Variants in RPS24 observed in about 807,000 individuals in gnomAD.
The protein encoded by RPS24 is small ribosomal subunit protein eS24.
For synonymous variants in RPS24, 72 were observed against 55.6 expected, an observed-to-expected ratio of 1.30 and a Z score of -1.31; for missense variants, 100 against 162.5, an observed-to-expected ratio of 0.62 and a Z score of 2.09.
downstream of RPS24, among the ~76,000 whole-genome samples, chr10:78,043,257 C>A (rs1374360355): frequency 6.6e-6 from 1 of 152,166 alleles, no homozygotes; most frequent in African/African-American, 2.4e-5. Flanking sequence ...CCTGCCTTGG[C>A]CTCCCAAAGT....
chr10:78,039,238 G>A (rs1255932910), intron 4 of RPS24: 1 of 152,212 alleles, frequency 6.6e-6, no homozygotes, highest in African/African-American at 2.4e-5. Context: ...GTTGCAAAAA[G>A]AATTAGTCAA....
chr10:78,050,989 G>A (rs1411676565), intron 4 of RPS24, among the ~76,000 whole-genome samples: 2 of 151,772 alleles, frequency 1.3e-5, no homozygotes, highest in South Asian at 2.1e-4. Context: ...TCAGGCGTTC[G>A]AGACCAGCAT....
downstream of RPS24, among the ~76,000 whole-genome samples, chr10:78,045,619 C>T (rs59213464): frequency 0.18 from 27,956 of 151,824 alleles, 5,792 homozygotes; most frequent in African/African-American, 0.5. Flanking sequence ...GTAGCTGGAA[C>T]TACAGGCGCC....
intron 4 of RPS24, chr10:78,037,880 A>G: frequency 1.0e-6 from 1 of 980,990 alleles, no homozygotes; most frequent in Non-Finnish European, 1.4e-6. Flanking sequence ...TTAAATTAAC[A>G]AATAATCAAG....
intron 5 of RPS24, 164 bp from the exon 6 acceptor site, chr10:78,040,451 A>T (rs1309802262): frequency 1.4e-6 from 1 of 731,320 alleles, no homozygotes; most frequent in Non-Finnish European, 2.4e-6. Context: ...ATGTTTGTAA[A>T]TTTTATTTCT....
chr10:78,055,064 C>T, exon 5 of RPS24: 9 of 1,454,272 alleles, frequency 6.2e-6, no homozygotes, highest in Non-Finnish European at 8.2e-6. Context: ...ATCTCTCCAC[C>T]TTCTTCTCCA....
downstream of RPS24, among the ~76,000 whole-genome samples, chr10:78,043,757 T>C (rs1283034083): frequency 6.6e-6 from 1 of 152,204 alleles, no homozygotes; most frequent in Non-Finnish European, 1.5e-5. Flanking sequence ...AGAAGATCAG[T>C]GCAGGGAGGC....
intron 4 of RPS24, among the ~76,000 whole-genome samples, chr10:78,046,470 T>A (rs1021110911): frequency 6.6e-6 from 1 of 151,062 alleles, no homozygotes; most frequent in African/African-American, 2.4e-5. Flanking sequence ...GTGATTCTCC[T>A]GCCTCAGCCT....
chr10:78,037,902 C>CTTTTTTTTTTTTTT (rs55902139), intron 4 of RPS24: 15 of 379,936 alleles, frequency 3.9e-5, no homozygotes, highest in East Asian at 1.5e-4. Context: ...GTTCTGTGAA[C>CTTTTTTTTTTTTTT]TTTTTTTTTT....
intron 4 of RPS24, chr10:78,054,497 C>T: frequency 1.3e-6 from 2 of 1,502,936 alleles, no homozygotes; most frequent in African/African-American, 2.8e-5. Flanking sequence ...CTGGACAATC[C>T]TCTGAGACTA....
chr10:78,038,691 G>A (rs916117551), intron 4 of RPS24: 73 of 152,236 alleles, frequency 4.8e-4, no homozygotes, highest in African/African-American at 1.7e-3. Flanking sequence ...TTGTCACCCA[G>A]GCTGGAGTAC....
At chr10:78,041,635 G>A (rs147408898), downstream of RPS24, among the ~76,000 whole-genome samples, 35 of 152,322 alleles carry the variant, frequency 2.3e-4, no homozygotes, top group Non-Finnish European at 3.7e-4. Context: ...GCAGTTTCCT[G>A]TGACTGAGCT....
intron 4 of RPS24, chr10:78,038,004 T>C (rs529723380): frequency 9.6e-5 from 122 of 1,274,846 alleles, no homozygotes; most frequent in Non-Finnish European, 1.2e-4. Flanking sequence ...GTAAGCACGG[T>C]GTGGGGATGC....
chr10:78,040,284 G>A lies in RPS24; in HGVS notation c.*19+59G>A, dbSNP rs190500272. 663 of 1,418,044 alleles carry A rather than the reference G, an allele frequency of 4.7e-4. 1 individual carries two copies. In the African/African-American group the frequency reaches 8.1e-3, roughly 17 times the overall value. The allele number at this position is 1,418,044 out of a possible 1,614,324, so 87.8% of individuals were successfully genotyped here. ...TCACTAGACTCCTTGGTGTACTGAC[G>A]TAGCAATTTAAAAGCAGATCATGTG... On this transcript the variant is annotated intron_variant, in intron 5 of 5. Transcript: ENST00000372360.
At chr10:78,053,157 AAAAC>A (rs767295707) in intron 4 of RPS24, among the ~76,000 whole-genome samples, 46 of 148,876 alleles carry the variant, frequency 3.1e-4, no homozygotes, top group Middle Eastern at 3.4e-3. Context: ...CCGTCTCAAA[AAAAC>A]AAACAAAAAC....
intron 4 of RPS24, 127 bp from the exon 5 acceptor site, chr10:78,040,077 T>C (rs1847960146): frequency 3.6e-6 from 3 of 841,980 alleles, no homozygotes; most frequent in East Asian, 2.5e-5. Flanking sequence ...AAGAACAAAA[T>C]GGTCATCTTT....
rs1847963750 is a variant in RPS24 at position 78,040,202 on chromosome 10, A to G, written c.391-2A>G. ...TTTTTCCCTTCCCCGCCACTGATTC[A>G]GTGAGCTGGAGATTGGATCACAGGT... On this transcript the variant is annotated splice_acceptor_variant, in intron 4 of 5. Transcript: ENST00000372360. LOFTEE classifies it high-confidence loss of function. 6.2e-7 allele frequency: 1 copy of G among 1,613,296 alleles called. No homozygotes were observed. The highest frequency in any genetic ancestry group is 1.3e-5 in the African/African-American group (1 of 74,830).
rs904076516 is a variant in RPS24, at chr10:78,054,844, C to T, written c.704C>T (p.Pro235Leu). The T allele has an allele frequency of 3.9e-6, 6 of 1,551,444 alleles. No homozygotes were observed. In the Admixed American group the frequency reaches 7.8e-5, roughly 20 times the overall value. ...CCTGCTCCTGCTGGTTCTCCCCACC[C>T]TGTGGACGGTGACTTGGTCCTCCAC... The change falls in exon 5 of 5, where the codon CCT becomes CTT. Residue 235 changes from proline to leucine, a missense_variant. Physicochemically the swap from Pro to Leu is moderately conservative, Grantham distance 98 (BLOSUM62 -3). Transcript: ENST00000440692.
At chr10:78,053,923 G>A (rs899220281) in intron 4 of RPS24, among the ~76,000 whole-genome samples, 15 of 152,152 alleles carry the variant, frequency 9.9e-5, no homozygotes, top group African/African-American at 3.6e-4. Flanking sequence ...TTGCAGAGCT[G>A]GATGGTCTGG....
Sources: allele counts gnomAD v4.1 joint callset (sites outside exome capture counted in the v4.1 genomes callset), GRCh38; gene constraint gnomAD v4.1.1; transcripts MANE v1.5; gene names NCBI Gene and HGNC (gene_info 2026-07-23, HGNC 2026-07-21).